The following RBFOX2 variants were observed in gnomAD, a reference collection of about 807,000 sequenced individuals.
RBFOX2 encodes RNA binding fox-1 homolog 2.
A neutral mutation model predicts 49.1 loss-of-function variants in RBFOX2; 10 were observed. The observed-to-expected ratio is 0.20, with a 90% CI of 0.13 to 0.35. RBFOX2 has a LOEUF of 0.35. Among genes scored for constraint, RBFOX2 ranks in the 10% least tolerant of loss-of-function variants. RBFOX2 has a pLI of 1.00. For missense variants in RBFOX2, 323 were observed against 486.9 expected (o/e 0.66, Z 3.17); for synonymous variants, 183 against 187.4 (o/e 0.98, Z 0.19).
intron 1 of RBFOX2, among the ~76,000 whole-genome samples, chr22:36,017,225 C>T (rs1228466570): frequency 6.6e-6 from 1 of 152,070 alleles, no homozygotes; most frequent in Admixed American, 6.6e-5. Flanking sequence ...GTATTTTCCC[C>T]AGATCCATAA....
intron 1 of RBFOX2, among the ~76,000 whole-genome samples, chr22:35,936,237 CAAAAA>C (rs58153258): frequency 1.5e-5 from 1 of 64,534 alleles, no homozygotes; most frequent in Admixed American, 1.7e-4. Context: ...CCAACAACAA[CAAAAA>C]AAAAAAAAAA....
chr22:35,936,731 C>T (rs888662619), intron 1 of RBFOX2, among the ~76,000 whole-genome samples: 2 of 152,190 alleles, frequency 1.3e-5, no homozygotes, highest in African/African-American at 4.8e-5. Flanking sequence ...CAGAAGTGGG[C>T]CCCTACTGCA....
At chr22:35,837,404 C>G (rs955165058) in intron 1 of RBFOX2, among the ~76,000 whole-genome samples, 5 of 152,092 alleles carry the variant, frequency 3.3e-5, no homozygotes, top group African/African-American at 9.7e-5. Flanking sequence ...AAAACCCAGG[C>G]CTAACCACCA....
intron 1 of RBFOX2, among the ~76,000 whole-genome samples, chr22:36,012,733 A>G (rs1055191937): frequency 1.3e-5 from 2 of 152,194 alleles, no homozygotes; most frequent in African/African-American, 4.8e-5. Context: ...AAGGGCTAAT[A>G]TATCTTTTTC....
intron 1 of RBFOX2, among the ~76,000 whole-genome samples, chr22:36,013,819 T>G (rs2058927685): frequency 6.6e-6 from 1 of 152,252 alleles, no homozygotes; most frequent in South Asian, 2.1e-4. Flanking sequence ...GACAAATTAG[T>G]AACAGTGGTT....
chr22:35,746,120 T>G (rs1932654044), intron 10 of RBFOX2, 125 bp from the exon 13 acceptor site: 2 of 841,992 alleles, frequency 2.4e-6, no homozygotes, highest in African/African-American at 3.4e-5. Flanking sequence ...AAACTGGAAT[T>G]ACAAGGAATA....
At chr22:35,875,692 C>T (rs1226807304) in intron 1 of RBFOX2, among the ~76,000 whole-genome samples, 1 of 143,954 alleles carries the variant, frequency 6.9e-6, no homozygotes, top group East Asian at 2.1e-4. Flanking sequence ...GGTAAATATA[C>T]AGACTACCCA....
chr22:36,009,570 G>A (rs1290578260), intron 1 of RBFOX2, among the ~76,000 whole-genome samples: 6 of 150,632 alleles, frequency 4.0e-5, no homozygotes, highest in Non-Finnish European at 7.4e-5. Flanking sequence ...TTGTTTTTTT[G>A]TAAAGGCGGG....
chr22:35,829,047 T>C (rs1956322129), intron 1 of RBFOX2, among the ~76,000 whole-genome samples: 1 of 152,060 alleles, frequency 6.6e-6, no homozygotes, highest in Admixed American at 6.6e-5. Context: ...CGAGACTCCA[T>C]CTCAAAAAAC....
intron 4 of RBFOX2, among the ~76,000 whole-genome samples, chr22:35,768,880 T>C (rs994191876): frequency 6.6e-6 from 1 of 152,206 alleles, no homozygotes; most frequent in Non-Finnish European, 1.5e-5. Context: ...TAGCCCCACG[T>C]TGCCTGTTGC....
intron 1 of RBFOX2, chr22:35,898,247 C>A: frequency 1.3e-6 from 1 of 755,886 alleles, no homozygotes. Context: ...GCCACAATCC[C>A]ACTGACTTGA....
At chr22:35,997,172 C>T (rs2058226848) in intron 1 of RBFOX2, 1 of 152,200 alleles carries the variant, frequency 6.6e-6, no homozygotes, top group Non-Finnish European at 1.5e-5. Flanking sequence ...CTTCAAAATC[C>T]CTGGGCTTAC....
At chr22:35,854,348 G>C (rs2042279410) in intron 1 of RBFOX2, among the ~76,000 whole-genome samples, 1 of 152,130 alleles carries the variant, frequency 6.6e-6, no homozygotes, top group Non-Finnish European at 1.5e-5. Context: ...ACTCTGGGAA[G>C]CTGAGTCAGG....
intron 1 of RBFOX2, among the ~76,000 whole-genome samples, chr22:35,907,712 A>G (rs1382982756): frequency 1.3e-5 from 2 of 151,820 alleles, no homozygotes; most frequent in East Asian, 3.9e-4. Context: ...CAGTGGCGTG[A>G]CTCCAGCTCA....
chr22:35,863,710 T>C (rs1271446323), intron 1 of RBFOX2, among the ~76,000 whole-genome samples: 1 of 152,176 alleles, frequency 6.6e-6, no homozygotes, highest in Non-Finnish European at 1.5e-5. Flanking sequence ...CAGCAATTAC[T>C]GGTAATGTGG....
At chr22:36,011,439 T>G (rs2058818732) in intron 1 of RBFOX2, among the ~76,000 whole-genome samples, 1 of 152,184 alleles carries the variant, frequency 6.6e-6, no homozygotes, top group Admixed American at 6.5e-5. Context: ...TTGGACATGG[T>G]TCTCTCAGTA....
rs542048467 is a variant in RBFOX2 at position 36,020,860 on chromosome 22, T to C, written c.186+7380A>G. 1.7e-4 allele frequency among the ~76,000 whole-genome samples: 26 copies of C among 152,240 alleles called. No individual in the cohort carries two copies. The South Asian group carries it at 5.0e-3, about 29-fold the overall frequency. Reference sequence around the variant, plus strand: ...TGGCGATTCCTCAAGGATCTAGAATTAGAAATACCATTTGACGCAGCCATC... The same window carrying C: ...TGGCGATTCCTCAAGGATCTAGAATCAGAAATACCATTTGACGCAGCCATC... On this transcript the variant is annotated intron_variant, in intron 1 of 13. Transcript: ENST00000438146.
At chr22:35,820,716 G>A (rs1954270396) in intron 1 of RBFOX2, among the ~76,000 whole-genome samples, 1 of 152,136 alleles carries the variant, frequency 6.6e-6, no homozygotes, top group South Asian at 2.1e-4. Flanking sequence ...AGAAATAAAA[G>A]ATGTTTCAAC....
At chr22:35,898,742 T>G (rs2048184508) in intron 1 of RBFOX2, among the ~76,000 whole-genome samples, 1 of 152,164 alleles carries the variant, frequency 6.6e-6, no homozygotes, top group African/African-American at 2.4e-5. Context: ...CATTCATTCT[T>G]AACCAAGTAT....
Sources: gnomAD v4.1 joint callset for allele counts (sites outside exome capture counted in the v4.1 genomes callset) on GRCh38, gnomAD v4.1.1 for gene constraint, MANE v1.5 for transcripts, NCBI Gene and HGNC (gene_info 2026-07-23, HGNC 2026-07-21) for gene names.